The following CAPS2 variants were observed in gnomAD, a reference collection of about 807,000 sequenced individuals.
The protein encoded by CAPS2 is calcyphosin-2.
A neutral mutation model predicts 86.5 loss-of-function variants in CAPS2; 98 were observed. The observed-to-expected ratio is 1.13, with a 90% confidence interval of 0.96 to 1.34. CAPS2 has a LOEUF of 1.34. Among genes scored for constraint, CAPS2 ranks in the 40% most tolerant of loss-of-function variants. The pLI is 0.00. For synonymous variants in CAPS2, 210 were observed against 225.1 expected, an observed-to-expected ratio of 0.93 and a Z score of 0.60; for missense variants, 729 against 686.8, an observed-to-expected ratio of 1.06 and a Z score of -0.69.
intron 1 of CAPS2, among the ~76,000 whole-genome samples, chr12:75,354,185 T>C (rs1226486246): frequency 6.8e-6 from 1 of 147,862 alleles, no homozygotes; most frequent in East Asian, 2.0e-4. Context: ...GGTATTCAAA[T>C]AGGAAAAGAG....
chr12:75,284,929 T>G, intron 15 of CAPS2, 32 bp downstream of exon 15: 1 of 1,556,168 alleles, frequency 6.4e-7, no homozygotes, highest in Non-Finnish European at 8.8e-7. Flanking sequence ...CTATTAAAAA[T>G]AACAATTTGA....
chr12:75,323,881 C>A (rs1164144317), intron 2 of CAPS2, among the ~76,000 whole-genome samples: 1 of 152,160 alleles, frequency 6.6e-6, no homozygotes, highest in East Asian at 1.9e-4. Flanking sequence ...TAATAGTGTG[C>A]ATCTCTTTCC....
At chr12:75,338,805 T>G (rs961721055) in intron 1 of CAPS2, among the ~76,000 whole-genome samples, 2 of 150,190 alleles carry the variant, frequency 1.3e-5, no homozygotes, top group Non-Finnish European at 3.0e-5. Context: ...CATGTGTCCA[T>G]GTGTTCTCAT....
intron 15 of CAPS2, 134 bp from the exon 16 acceptor site, chr12:75,282,481 G>A: frequency 1.6e-6 from 1 of 618,906 alleles, no homozygotes; most frequent in Admixed American, 2.5e-5. Flanking sequence ...CCGCCTCCCA[G>A]GTTCAAGTGT....
At chr12:75,379,049 G>A (rs1487449095) in intron 1 of CAPS2, among the ~76,000 whole-genome samples, 1 of 151,930 alleles carries the variant, frequency 6.6e-6, no homozygotes, top group Non-Finnish European at 1.5e-5. Context: ...TTATCTTCAT[G>A]TATTTTAATT....
In CAPS2 at chr12:75,304,805, G is replaced by C. The variant is rs1428535314; in HGVS notation, c.731C>G (p.Ser244Ter). The C allele has an allele frequency of 6.2e-7, 1 of 1,609,076 alleles. No individual in the cohort carries two copies. Among genetic ancestry groups the C allele is most frequent in the South Asian group, 1.1e-5 (1 of 90,596 alleles). ...TCTAAATCGAAGAGGTGTCATCTTTGAATCTGGAAGGATATGATCACTTTC... is the reference window on the plus strand; with the variant it reads ...TCTAAATCGAAGAGGTGTCATCTTTCAATCTGGAAGGATATGATCACTTTC... The change falls in exon 8 of 17, where the codon TCA (serine) becomes TGA (stop). Residue 244 changes from serine (S) to a stop codon, truncating the protein, a stop_gained. Transcript: ENST00000393284. LOFTEE classifies it high-confidence loss of function.
chr12:75,331,567 CT>C (rs560437167), upstream of CAPS2, among the ~76,000 whole-genome samples: 1,816 of 146,230 alleles, frequency 0.012, 19 homozygotes, highest in African/African-American at 0.034. Context: ...CTAAATTTAA[CT>C]TTTTTTTTTT....
At chr12:75,338,017 A>T (rs2041854515) in intron 1 of CAPS2, among the ~76,000 whole-genome samples, 1 of 152,122 alleles carries the variant, frequency 6.6e-6, no homozygotes, top group East Asian at 1.9e-4. Flanking sequence ...AAATATTCTT[A>T]ACAGAAAATT....
At chr12:75,381,667 T>G (rs1298370950) in intron 1 of CAPS2, among the ~76,000 whole-genome samples, 1 of 142,114 alleles carries the variant, frequency 7.0e-6, no homozygotes, top group Non-Finnish European at 1.5e-5. Flanking sequence ...CAGGCTGGAG[T>G]GCAGTGGCAC....
At chr12:75,292,771 A>G (rs1271427109) in intron 12 of CAPS2, among the ~76,000 whole-genome samples, 1 of 149,248 alleles carries the variant, frequency 6.7e-6, no homozygotes, top group Admixed American at 6.7e-5. Flanking sequence ...CCTGTTATTA[A>G]AAAAATTCAT....
upstream of CAPS2, chr12:75,334,445 A>G (rs1184671525): frequency 8.2e-7 from 1 of 1,224,184 alleles, no homozygotes; most frequent in Non-Finnish European, 1.0e-6. Context: ...TCTGCAGATT[A>G]CAGATTGGAT....
chr12:75,287,323 G>C (rs1438665840), intron 14 of CAPS2, among the ~76,000 whole-genome samples: 1 of 151,668 alleles, frequency 6.6e-6, no homozygotes, highest in East Asian at 1.9e-4. Flanking sequence ...TTCTGTGTTG[G>C]AGCTGGCCAT....
chr12:75,369,648 A>G (rs1469881092), intron 1 of CAPS2: 1 of 984,274 alleles, frequency 1.0e-6, no homozygotes, highest in Non-Finnish European at 1.2e-6. Context: ...ACGTTTCTTC[A>G]GGGACGTGAA....
chr12:75,311,650 G>C (rs1186961543), intron 7 of CAPS2, among the ~76,000 whole-genome samples: 3 of 135,060 alleles, frequency 2.2e-5, no homozygotes, highest in Non-Finnish European at 4.6e-5. Flanking sequence ...TTCTGAGAAG[G>C]GGAGAAAGGT....
At chr12:75,312,007 C>A (rs2039282565) in intron 7 of CAPS2, among the ~76,000 whole-genome samples, 1 of 152,160 alleles carries the variant, frequency 6.6e-6, no homozygotes, top group South Asian at 2.1e-4. Context: ...GTCATGCATT[C>A]TTTCTGCCAC....
intron 14 of CAPS2, among the ~76,000 whole-genome samples, chr12:75,285,933 T>A (rs1268361385): frequency 6.6e-6 from 1 of 152,046 alleles, no homozygotes; most frequent in African/African-American, 2.4e-5. Flanking sequence ...TAATTTGGAA[T>A]AAATCCCTTA....
At chr12:75,369,574 C>A in intron 1 of CAPS2, 1 of 983,986 alleles carries the variant, frequency 1.0e-6, no homozygotes, top group Non-Finnish European at 1.2e-6. Flanking sequence ...GAGTAAGGAC[C>A]ATTACAGAAA....
Position 75,321,267 on chromosome 12 carries a change from A to C in CAPS2, c.468+133T>G, listed in dbSNP as rs2040269287. The C allele has an allele frequency of 8.4e-6, 5 of 594,468 alleles. No homozygotes were observed. The East Asian group carries it at 1.5e-4, about 18-fold the overall frequency. 36.8% of individuals were successfully genotyped at this position (594,468 alleles called of 1,614,324 possible). A position where few individuals can be genotyped will look rare whatever the true frequency, so the allele number is the denominator to read the frequency against. On this transcript the variant is annotated intron_variant, in intron 5 of 16. Coordinates refer to ENST00000393284, the Ensembl canonical transcript of CAPS2. ...AGTAAAATATTTACAACAGTCCTTG[A>C]TATGCAGAAATAAATGTTAGCTATT...
In CAPS2 at chr12:75,306,149, A is replaced by G. The variant is rs1320752444; in HGVS notation, c.660-1273T>C. The stretch of plus-strand genomic sequence containing the variant: ...AACGTGCGGAAGCTCATCACCGAGG[A>G]GTTCGTCCAGCAGAATTACCTGAAG... On this transcript the variant is annotated intron_variant, in intron 7 of 16. Transcript: ENST00000393284. The G allele has an allele frequency of 1.4e-5, 15 of 1,043,388 alleles. No homozygotes were observed. In the Admixed American group the frequency reaches 2.8e-4, roughly 20 times the overall value. The allele number at this position is 1,043,388 out of a possible 1,614,324, so 64.6% of individuals were successfully genotyped here.
Sources: gnomAD v4.1 joint callset for allele counts (sites outside exome capture counted in the v4.1 genomes callset) on GRCh38, gnomAD v4.1.1 for gene constraint, MANE v1.5 for transcripts, NCBI Gene and HGNC (gene_info 2026-07-23, HGNC 2026-07-21) for gene names.